Variants in XYLT1 observed in about 807,000 individuals in gnomAD.
The protein encoded by XYLT1 is beta-D-xylosyltransferase 1.
In XYLT1, 36 loss-of-function variants were observed where a neutral mutation model predicts 91.3. The ratio of observed to expected loss-of-function variants is 0.39; its 90% confidence interval spans 0.30 to 0.52. The LOEUF (loss-of-function observed/expected upper bound fraction) is 0.52, where lower values mean the gene tolerates loss of function less well. Ranked by LOEUF, XYLT1 falls within the 20% of genes least tolerant of loss-of-function variation. XYLT1 has a pLI of 0.68. For synonymous variants in XYLT1, 588 were observed against 532.0 expected, an observed-to-expected ratio of 1.11 and a Z score of -1.45; for missense variants, 1,242 against 1,284.5, an observed-to-expected ratio of 0.97 and a Z score of 0.51.
At chr16:17,373,839 C>T (rs1435941676) in intron 1 of XYLT1, among the ~76,000 whole-genome samples, 7 of 152,202 alleles carry the variant, frequency 4.6e-5, no homozygotes, top group African/African-American at 1.7e-4. Flanking sequence ...ATTCTCCAGC[C>T]TCTCGTAATA....
At chr16:17,462,527 C>G (rs781688566) in intron 1 of XYLT1, among the ~76,000 whole-genome samples, 2 of 152,174 alleles carry the variant, frequency 1.3e-5, no homozygotes, top group Non-Finnish European at 2.9e-5. Context: ...GTTTCTGTTG[C>G]AGGCGGAAGG....
intron 6 of XYLT1, among the ~76,000 whole-genome samples, chr16:17,143,544 C>T (rs2141523265): frequency 6.6e-6 from 1 of 152,158 alleles, no homozygotes; most frequent in East Asian, 1.9e-4. Context: ...TTCTCCACAC[C>T]ACCACAGTTT....
chr16:17,208,862 C>T (rs1007340507), intron 3 of XYLT1, among the ~76,000 whole-genome samples: 1 of 152,114 alleles, frequency 6.6e-6, no homozygotes, highest in Admixed American at 6.6e-5. Flanking sequence ...GGAGCTGAGA[C>T]TACAGGTGCC....
intron 3 of XYLT1, among the ~76,000 whole-genome samples, chr16:17,221,075 GCAA>G (rs1210041118): frequency 6.6e-6 from 1 of 152,104 alleles, no homozygotes; most frequent in Non-Finnish European, 1.5e-5. Context: ...CTTCATGGTG[GCAA>G]CAACATTTCC....
intron 1 of XYLT1, among the ~76,000 whole-genome samples, chr16:17,466,078 T>TA (rs2036893100): frequency 6.6e-6 from 1 of 152,198 alleles, no homozygotes; most frequent in Non-Finnish European, 1.5e-5. Context: ...ACCCCTTCCT[T>TA]AGAATGCAGG....
At chr16:17,336,681 C>T (rs2034983841) in intron 2 of XYLT1, among the ~76,000 whole-genome samples, 1 of 152,286 alleles carries the variant, frequency 6.6e-6, no homozygotes, top group African/African-American at 2.4e-5. Context: ...CTGGTTGGGG[C>T]AAGTCCAGCC....
chr16:17,311,861 A>C (rs1447482304), intron 2 of XYLT1, among the ~76,000 whole-genome samples: 5 of 148,638 alleles, frequency 3.4e-5, no homozygotes. Context: ...AGAGCCAAGC[A>C]AAAGGGGTTT....
At chr16:17,247,374 G>T (rs73523168) in intron 3 of XYLT1, among the ~76,000 whole-genome samples, 2 of 151,982 alleles carry the variant, frequency 1.3e-5, no homozygotes, top group Non-Finnish European at 2.9e-5. Context: ...CTCATGGAAC[G>T]CCAAGAAAAT....
chr16:17,351,205 G>A (rs1441499295), intron 2 of XYLT1, among the ~76,000 whole-genome samples: 4 of 152,022 alleles, frequency 2.6e-5, no homozygotes, highest in African/African-American at 9.7e-5. Flanking sequence ...GTCAATGCAG[G>A]TCTGGACACA....
intron 1 of XYLT1, among the ~76,000 whole-genome samples, chr16:17,412,179 C>T (rs1209195826): frequency 1.3e-5 from 2 of 152,128 alleles, no homozygotes; most frequent in African/African-American, 4.8e-5. Context: ...CAAAAACGCT[C>T]CGCACAGCTC....
intron 5 of XYLT1, among the ~76,000 whole-genome samples, chr16:17,167,940 GCT>G (rs2031737402): frequency 6.6e-6 from 1 of 152,148 alleles, no homozygotes; most frequent in African/African-American, 2.4e-5. Flanking sequence ...CACTGCCAGT[GCT>G]CTCTCCTCCA....
rs1301427119 is a variant in XYLT1, at chr16:17,104,334, T to C, written c.*4361A>G. On this transcript the variant is annotated 3_prime_UTR_variant, in exon 12 of 12. Coordinates refer to ENST00000261381, the MANE Select transcript of XYLT1 (RefSeq NM_022166.4). ...AGGCAGATGTGGACCTCTGCATATC[T>C]AAGGGGCAGCAGTCCAGATCTCCAG... 6.6e-6 allele frequency: 1 copy of C among 152,274 alleles called. No individual in the cohort carries two copies. The highest frequency in any genetic ancestry group is 1.5e-5 in the Non-Finnish European group (1 of 68,090). 9.4% of individuals were successfully genotyped at this position (152,274 alleles called of 1,614,324 possible). A position where few individuals can be genotyped will look rare whatever the true frequency, so the allele number is the denominator to read the frequency against.
chr16:17,334,861 C>A (rs560341973), intron 2 of XYLT1, among the ~76,000 whole-genome samples: 31 of 151,450 alleles, frequency 2.0e-4, no homozygotes, highest in African/African-American at 7.5e-4. Flanking sequence ...CCAGCCTGGG[C>A]GACAGAGCGA....
rs377760583 is a variant in XYLT1 at position 17,418,640 on chromosome 16, GA to G, written c.363+51793del. Among the ~76,000 whole-genome samples, 908 of 152,222 alleles carry G rather than the reference GA, an allele frequency of 6.0e-3. 6 individuals carry two copies. The highest frequency in any genetic ancestry group is 0.027 in the Middle Eastern group (8 of 294). On this transcript the variant is annotated intron_variant, in intron 1 of 11. Transcript: ENST00000261381. Reference sequence around the variant, plus strand: ...AGGTGGGTAGACTGCTTGAGCCTAGGAGTTTGAGACCAGCCTGGGCAATATG... The same window carrying G: ...AGGTGGGTAGACTGCTTGAGCCTAGGGTTTGAGACCAGCCTGGGCAATATG...
intron 2 of XYLT1, among the ~76,000 whole-genome samples, chr16:17,287,214 T>C (rs1299017179): frequency 1.3e-5 from 2 of 152,050 alleles, no homozygotes; most frequent in Non-Finnish European, 2.9e-5. Flanking sequence ...TTTCATCATG[T>C]AGATGCTCCA....
At chr16:17,272,632 A>C (rs1319333377) in intron 2 of XYLT1, among the ~76,000 whole-genome samples, 2 of 152,168 alleles carry the variant, frequency 1.3e-5, no homozygotes, top group African/African-American at 2.4e-5. Flanking sequence ...CCCCTTCTGG[A>C]AACATCAGGG....
intron 5 of XYLT1, chr16:17,193,797 C>T (rs1239802944): frequency 1.3e-5 from 2 of 152,188 alleles, no homozygotes; most frequent in Admixed American, 1.3e-4. Context: ...TGAAACCATT[C>T]ATCTGCAAAA....
At chr16:17,300,286 G>A (rs781029097) in intron 2 of XYLT1, among the ~76,000 whole-genome samples, 1 of 152,128 alleles carries the variant, frequency 6.6e-6, no homozygotes, top group Non-Finnish European at 1.5e-5. Context: ...CATTTAACTT[G>A]CATTTAAGCA....
At chr16:17,373,760 GCA>G (rs1490428601) in intron 1 of XYLT1, among the ~76,000 whole-genome samples, 1 of 152,216 alleles carries the variant, frequency 6.6e-6, no homozygotes, top group Non-Finnish European at 1.5e-5. Flanking sequence ...TCACACAGCT[GCA>G]CAGTGTTGGA....
Sources: gnomAD v4.1 joint callset for allele counts (sites outside exome capture counted in the v4.1 genomes callset) on GRCh38, gnomAD v4.1.1 for gene constraint, MANE v1.5 for transcripts, NCBI Gene and HGNC (gene_info 2026-07-23, HGNC 2026-07-21) for gene names.